Variants in RUNX2 observed in about 807,000 individuals in gnomAD.
RUNX2 encodes RUNX family transcription factor 2.
RUNX2 carries 10 observed loss-of-function variants against 51.7 expected under a neutral mutation model. The observed-to-expected ratio is 0.19, with a 90% CI of 0.12 to 0.33. The LOEUF is 0.33. Among genes scored for constraint, RUNX2 ranks in the 10% least tolerant of loss-of-function variants. The pLI is 1.00. For synonymous variants in RUNX2, 276 were observed against 273.6 expected (o/e 1.01, Z -0.09); for missense variants, 562 against 691.3 (o/e 0.81, Z 2.10).
At chr6:45,332,836 T>C (rs1315345781) in intron 2 of RUNX2, among the ~76,000 whole-genome samples, 1 of 151,766 alleles carries the variant, frequency 6.6e-6, no homozygotes, top group Non-Finnish European at 1.5e-5. Flanking sequence ...AAGTCAGACA[T>C]TACTAATCAG....
At chr6:45,443,203 A>G (rs1168090665) in intron 5 of RUNX2, among the ~76,000 whole-genome samples, 2 of 151,876 alleles carry the variant, frequency 1.3e-5, no homozygotes, top group Non-Finnish European at 2.9e-5. Flanking sequence ...AGTAAGTGCC[A>G]CTATACCTGG....
chr6:45,413,225 C>T (rs1159015308), intron 2 of RUNX2, among the ~76,000 whole-genome samples: 3 of 152,038 alleles, frequency 2.0e-5, no homozygotes, highest in African/African-American at 4.8e-5. Context: ...AATTCTAAAA[C>T]AGACGGAAAC....
At chr6:45,485,673 A>ATGTGTGTG (rs370831246) in intron 5 of RUNX2, among the ~76,000 whole-genome samples, 1 of 124,238 alleles carries the variant, frequency 8.0e-6, no homozygotes, top group African/African-American at 3.1e-5. Context: ...ATGGATATGT[A>ATGTGTGTG]TGTGTGTGTG....
chr6:45,468,685 T>G (rs1304062504), intron 5 of RUNX2, among the ~76,000 whole-genome samples: 1 of 152,230 alleles, frequency 6.6e-6, no homozygotes, highest in Non-Finnish European at 1.5e-5. Flanking sequence ...CAGGTAATTA[T>G]AACCAGATTT....
At chr6:45,403,229 C>CTTTTTTTTTTTTTTTTTTT (rs201142802) in intron 2 of RUNX2, among the ~76,000 whole-genome samples, 1 of 108,826 alleles carries the variant, frequency 9.2e-6, no homozygotes, top group Non-Finnish European at 2.0e-5. Flanking sequence ...GTTTGAGTTT[C>CTTTTTTTTTTTTTTTTTTT]TTTTTTTTTT....
intron 3 of RUNX2, among the ~76,000 whole-genome samples, chr6:45,423,371 C>T (rs981687087): frequency 6.6e-6 from 1 of 152,146 alleles, no homozygotes; most frequent in Admixed American, 6.5e-5. Context: ...CGGCATTGTC[C>T]CCTGGGGCTC....
At chr6:45,374,892 A>G (rs1213934063) in intron 2 of RUNX2, among the ~76,000 whole-genome samples, 2 of 152,228 alleles carry the variant, frequency 1.3e-5, no homozygotes, top group East Asian at 3.8e-4. Flanking sequence ...ACACAAAAAC[A>G]GTAATTTTGT....
At chr6:45,409,437 C>T (rs1476715893) in intron 2 of RUNX2, among the ~76,000 whole-genome samples, 6 of 152,198 alleles carry the variant, frequency 3.9e-5, no homozygotes, top group Admixed American at 3.3e-4. Context: ...ACTCTTTTGC[C>T]TCCAAACACA....
chr6:45,527,180 G>A (rs1276883734), intron 7 of RUNX2, among the ~76,000 whole-genome samples: 1 of 152,158 alleles, frequency 6.6e-6, no homozygotes, highest in African/African-American at 2.4e-5. Context: ...ACTGTGGGGT[G>A]TTTGAGAAGA....
chr6:45,473,151 C>A (rs145173468), intron 5 of RUNX2, among the ~76,000 whole-genome samples: 113 of 152,252 alleles, frequency 7.4e-4, no homozygotes, highest in East Asian at 5.8e-3. Context: ...TCAGCCTTTG[C>A]GCTGAAGGGA....
At chr6:45,432,212 T>C (rs912029792) in intron 4 of RUNX2, among the ~76,000 whole-genome samples, 193 bp downstream of exon 4, 1 of 152,242 alleles carries the variant, frequency 6.6e-6, no homozygotes, top group Non-Finnish European at 1.5e-5. Flanking sequence ...TTTTATGATA[T>C]TGAAAATTCA....
At chr6:45,504,914 T>C (rs1217600933) in intron 6 of RUNX2, among the ~76,000 whole-genome samples, 1 of 151,944 alleles carries the variant, frequency 6.6e-6, no homozygotes, top group Non-Finnish European at 1.5e-5. Context: ...GAATAAGGGG[T>C]GGGATTGTGG....
intron 6 of RUNX2, among the ~76,000 whole-genome samples, chr6:45,504,358 C>G (rs992693247): frequency 6.6e-6 from 1 of 152,200 alleles, no homozygotes; most frequent in African/African-American, 2.4e-5. Context: ...TGGAAAACAT[C>G]TTAGAGATAA....
At chr6:45,487,699 A>T (rs1563108019) in intron 5 of RUNX2, among the ~76,000 whole-genome samples, 1 of 152,170 alleles carries the variant, frequency 6.6e-6, no homozygotes, top group Non-Finnish European at 1.5e-5. Context: ...AATTTATCTA[A>T]AAGAGGAGAA....
intron 2 of RUNX2, among the ~76,000 whole-genome samples, chr6:45,411,575 C>T (rs186289781): frequency 2.0e-5 from 3 of 152,208 alleles, no homozygotes; most frequent in Admixed American, 2.0e-4. Flanking sequence ...CATCATACTT[C>T]TGGTAATTCT....
At chr6:45,498,158 G>C (rs1213919112) in intron 6 of RUNX2, among the ~76,000 whole-genome samples, 1 of 152,042 alleles carries the variant, frequency 6.6e-6, no homozygotes, top group Non-Finnish European at 1.5e-5. Context: ...AAGTACTCTT[G>C]GGAAGCTGAA....
At chr6:45,543,642 G>C (rs1332879988) in intron 7 of RUNX2, among the ~76,000 whole-genome samples, 1 of 152,068 alleles carries the variant, frequency 6.6e-6, no homozygotes, top group Non-Finnish European at 1.5e-5. Context: ...GCTTACTTTA[G>C]TTGATGTAAC....
chr6:45,534,676 G>A (rs1801976743), intron 7 of RUNX2, among the ~76,000 whole-genome samples: 1 of 152,210 alleles, frequency 6.6e-6, no homozygotes, highest in Non-Finnish European at 1.5e-5. Flanking sequence ...GTAAACACAG[G>A]TAGAGTAAGT....
At position 45,422,720 on chromosome 6, in the gene RUNX2, G is replaced by GCAGCAGCAA. The variant is rs1261137585; in HGVS notation, c.195_203dup (p.Gln69_Gln71dup). On this transcript the variant is annotated inframe_insertion, in exon 3 of 9. Coordinates refer to ENST00000647337, the MANE Select transcript of RUNX2 (RefSeq NM_001024630.4). ...AGCAGCAGCAGCAACAGCAGCAGCA[G>GCAGCAGCAA]CAGCAGCAACAGCAGCAGCAGCAGC... is the stretch of plus-strand genomic sequence containing the variant. 14 of 1,593,066 alleles carry GCAGCAGCAA rather than the reference G, an allele frequency of 8.8e-6. 1 individual carries two copies. Among genetic ancestry groups the GCAGCAGCAA allele is most frequent in the South Asian group, 2.3e-5 (2 of 88,672 alleles).
Sources: allele counts gnomAD v4.1 joint callset (sites outside exome capture counted in the v4.1 genomes callset), GRCh38; gene constraint gnomAD v4.1.1; transcripts MANE v1.5; gene names NCBI Gene and HGNC (gene_info 2026-07-23, HGNC 2026-07-21).